DYRK1A: variants seen among roughly 807,000 people sequenced by gnomAD.
The protein encoded by DYRK1A is dual specificity tyrosine-phosphorylation-regulated kinase 1A.
DYRK1A carries 9 observed loss-of-function variants against 79.7 expected under a neutral mutation model. That is an observed-to-expected ratio of 0.11 (90% confidence interval 0.07 to 0.20). DYRK1A has a LOEUF of 0.20. Among genes scored for constraint, DYRK1A ranks in the 10% least tolerant of loss-of-function variants. The probability of loss-of-function intolerance (pLI) is 1.00; values close to 1 mark genes in which losing one functional copy is unlikely to be tolerated. For synonymous variants in DYRK1A, 349 were observed against 329.7 expected (o/e 1.06, Z -0.63); for missense variants, 622 against 956.0 (o/e 0.65, Z 4.61).
At chr21:37,460,108 AT>A (rs577575063) in intron 2 of DYRK1A, among the ~76,000 whole-genome samples, 9,710 of 144,962 alleles carry the variant, frequency 0.067, 1,001 homozygotes, top group African/African-American at 0.22. Flanking sequence ...TTTAGCATGG[AT>A]TTTTTTTTTT....
intron 1 of DYRK1A, among the ~76,000 whole-genome samples, chr21:37,384,604 A>C (rs994949358): frequency 6.6e-6 from 1 of 152,214 alleles, no homozygotes; most frequent in South Asian, 2.1e-4. Flanking sequence ...AATATTAATC[A>C]TGTAAAATGT....
At chr21:37,497,108 G>T (rs1472144827) in intron 9 of DYRK1A, among the ~76,000 whole-genome samples, 1 of 149,238 alleles carries the variant, frequency 6.7e-6, no homozygotes, top group Non-Finnish European at 1.5e-5. Flanking sequence ...TAACATTTAA[G>T]AGTTTATTTT....
At chr21:37,428,755 AC>A (rs1361150274) in intron 2 of DYRK1A, 4 of 152,120 alleles carry the variant, frequency 2.6e-5, no homozygotes, top group Non-Finnish European at 5.9e-5. Flanking sequence ...TGATAGGAAA[AC>A]TAAAACTATT....
intron 1 of DYRK1A, among the ~76,000 whole-genome samples, chr21:37,394,021 T>C (rs1177341252): frequency 6.6e-6 from 1 of 152,040 alleles, no homozygotes; most frequent in African/African-American, 2.4e-5. Flanking sequence ...ATTCAGGGGG[T>C]TCGGGGTGGG....
chr21:37,480,302 T>A (rs2052590400), intron 4 of DYRK1A, among the ~76,000 whole-genome samples: 1 of 152,148 alleles, frequency 6.6e-6, no homozygotes, highest in Non-Finnish European at 1.5e-5. Context: ...TTTGGTAACT[T>A]TTGTCAAAAT....
chr21:37,448,451 A>T (rs577169604), intron 2 of DYRK1A, among the ~76,000 whole-genome samples: 1 of 152,332 alleles, frequency 6.6e-6, no homozygotes, highest in African/African-American at 2.4e-5. Flanking sequence ...AGAGGTCAGG[A>T]GATCATCTAC....
chr21:37,427,351 C>T (rs2050655188), intron 2 of DYRK1A, among the ~76,000 whole-genome samples: 1 of 152,190 alleles, frequency 6.6e-6, no homozygotes, highest in African/African-American at 2.4e-5. Context: ...TGCTGAAGAC[C>T]AGCCTTAAGT....
At chr21:37,423,219 G>A (rs944399538) in intron 2 of DYRK1A, among the ~76,000 whole-genome samples, 7 of 152,052 alleles carry the variant, frequency 4.6e-5, no homozygotes, top group Admixed American at 3.3e-4. Context: ...TTTACCTGTA[G>A]GCAGAGGTTA....
Position 37,394,302 on chromosome 21 carries a change from A to T in DYRK1A, c.-76-25997A>T, listed in dbSNP as rs149722161. The stretch of plus-strand genomic sequence containing the variant: ...TTTAGGGTACATGTGCACAACATGC[A>T]GGTTTGTTACCTGCAGTGGTGTATT... On this transcript the variant is annotated intron_variant, in intron 1 of 11. Coordinates refer to ENST00000647188, the MANE Select transcript of DYRK1A (RefSeq NM_001347721.2). Among the ~76,000 whole-genome samples the T allele has an allele frequency of 7.0e-3, 1,056 of 150,894 alleles. 13 individuals are homozygous for T. Among genetic ancestry groups the T allele is most frequent in the African/African-American group, 0.025 (1,013 of 40,962 alleles).
At position 37,411,049 on chromosome 21, in the gene DYRK1A, T is replaced by TTAAA. The variant is rs1391560478; in HGVS notation, c.-76-9250_-76-9249insTAAA. Among the ~76,000 whole-genome samples, 202 of 56,444 alleles carry TTAAA rather than the reference T, an allele frequency of 3.6e-3. 3 individuals carry two copies. Among genetic ancestry groups the TTAAA allele is most frequent in the Non-Finnish European group, 4.8e-3 (161 of 33,266 alleles). 37.0% of individuals were successfully genotyped at this position (56,444 alleles called of 152,430 possible). On this transcript the variant is annotated intron_variant, in intron 1 of 11. Coordinates refer to ENST00000647188, the MANE Select transcript of DYRK1A (RefSeq NM_001347721.2). Reference sequence around the variant, plus strand: ...GGGCGACAGAGTGAGATTCTGTCTTTAAAAAAAAAAAAAAAAAAAAAAAAA... The same window carrying TTAAA: ...GGGCGACAGAGTGAGATTCTGTCTTTTAAAAAAAAAAAAAAAAAAAAAAAAAAAA...
chr21:37,477,449 G>A (rs889189553), intron 3 of DYRK1A, among the ~76,000 whole-genome samples: 3 of 152,196 alleles, frequency 2.0e-5, no homozygotes, highest in African/African-American at 7.2e-5. Flanking sequence ...GCTAGCCACA[G>A]CACTCCTGGG....
chr21:37,484,836 G>A (rs573717939), intron 5 of DYRK1A, among the ~76,000 whole-genome samples: 15 of 152,260 alleles, frequency 9.9e-5, no homozygotes, highest in East Asian at 1.9e-4. Context: ...CCTGCTTGAC[G>A]TTGAACTCCT....
intron 1 of DYRK1A, among the ~76,000 whole-genome samples, chr21:37,404,614 T>C (rs962268795): frequency 1.3e-5 from 2 of 152,232 alleles, no homozygotes. Flanking sequence ...ACTGAGCCTC[T>C]AGTTCGTTTC....
At chr21:37,485,025 A>G (rs990206978) in intron 5 of DYRK1A, among the ~76,000 whole-genome samples, 6 of 152,188 alleles carry the variant, frequency 3.9e-5, no homozygotes, top group Admixed American at 2.6e-4. Context: ...TCCGTAGCCA[A>G]TACTTACCAA....
Position 37,446,222 on chromosome 21 carries a change from GC to G in DYRK1A, c.10+25839del. Among the ~76,000 whole-genome samples, 3 of 152,238 alleles carry G rather than the reference GC, an allele frequency of 2.0e-5. No homozygotes were observed. The South Asian group carries it at 6.2e-4, about 32-fold the overall frequency. The stretch of plus-strand genomic sequence containing the variant: ...TTTCCTGAGCATTGGGCCTCTCAAC[GC>G]TCTCATTTTGCATGTAATGGATTAC... On this transcript the variant is annotated intron_variant, in intron 2 of 11. Coordinates refer to ENST00000647188, the MANE Select transcript of DYRK1A (RefSeq NM_001347721.2).
At position 37,420,899 on chromosome 21, in the gene DYRK1A, C is replaced by A. The variant is rs1251937612; in HGVS notation, c.10+515C>A. On this transcript the variant is annotated intron_variant, in intron 2 of 11. Transcript: ENST00000647188. Reference sequence around the variant, plus strand: ...CCCATTTCCTTTCTTCCCACCCTCCCCCTCTTATCCTTTTGTCATTTGTAT... The same window carrying A: ...CCCATTTCCTTTCTTCCCACCCTCCACCTCTTATCCTTTTGTCATTTGTAT... Among the ~76,000 whole-genome samples the A allele has an allele frequency of 5.9e-5, 9 of 152,094 alleles. No homozygotes were observed. In the South Asian group the frequency reaches 1.9e-3, roughly 32 times the overall value.
rs2034139625 is a variant in DYRK1A at position 37,470,544 on chromosome 21, AGGG to A, written c.11-2139_11-2137del. On this transcript the variant is annotated intron_variant, in intron 2 of 11. Coordinates refer to ENST00000647188, the MANE Select transcript of DYRK1A (RefSeq NM_001347721.2). ...ATAGTAATACCTCTGCTTCATAGAT[AGGG>A]AATCTAAGGCTTTGAATGGTTAAGA... is the stretch of plus-strand genomic sequence containing the variant. Among the ~76,000 whole-genome samples the A allele has an allele frequency of 3.0e-4, 45 of 152,224 alleles. 2 individuals are homozygous for A.
intron 11 of DYRK1A, among the ~76,000 whole-genome samples, chr21:37,507,840 C>CT (rs1207220620): frequency 6.6e-6 from 1 of 152,158 alleles, no homozygotes; most frequent in Non-Finnish European, 1.5e-5. Context: ...CATCCTCATG[C>CT]TAGTTGCTCC....
intron 9 of DYRK1A, chr21:37,502,205 G>T (rs1285038750): frequency 6.6e-6 from 1 of 152,010 alleles, no homozygotes; most frequent in Non-Finnish European, 1.5e-5. Context: ...TTTTTGTGTT[G>T]TGTGCAACAT....
Sources: gnomAD v4.1 joint callset for allele counts (sites outside exome capture counted in the v4.1 genomes callset) on GRCh38, gnomAD v4.1.1 for gene constraint, MANE v1.5 for transcripts, NCBI Gene and HGNC (gene_info 2026-07-23, HGNC 2026-07-21) for gene names.